The following IQUB variants were observed in gnomAD, a reference collection of about 807,000 sequenced individuals.
IQUB encodes IQ motif and ubiquitin domain containing.
A neutral mutation model predicts 86.4 loss-of-function variants in IQUB; 86 were observed. That is an observed-to-expected ratio of 1.00 (90% CI 0.84 to 1.19). The LOEUF is 1.19. Ranked by LOEUF, IQUB falls within the 50% of genes most tolerant of loss-of-function variation. The pLI, the probability that IQUB is intolerant of heterozygous loss-of-function variation, is 0.00. For missense variants in IQUB, 946 were observed against 916.9 expected (o/e 1.03, Z -0.41); for synonymous variants, 289 against 304.5 (o/e 0.95, Z 0.53).
intron 1 of IQUB, among the ~76,000 whole-genome samples, chr7:123,530,710 CTT>C (rs1797494537): frequency 1.1e-5 from 1 of 95,010 alleles, no homozygotes; most frequent in African/African-American, 4.2e-5. Context: ...GAGTTTCACT[CTT>C]TTTGCCCAGG....
At chr7:123,510,978 T>C (rs1480794560) in intron 2 of IQUB, among the ~76,000 whole-genome samples, 1 of 152,180 alleles carries the variant, frequency 6.6e-6, no homozygotes, top group Non-Finnish European at 1.5e-5. Flanking sequence ...TAAAAATCAC[T>C]ATGTGTTTAA....
chr7:123,526,242 AT>A (rs1554368323), intron 1 of IQUB, among the ~76,000 whole-genome samples: 2 of 152,118 alleles, frequency 1.3e-5, no homozygotes, highest in Non-Finnish European at 2.9e-5. Flanking sequence ...GCTGAGTTCA[AT>A]TCCTGGGTAT....
At chr7:123,470,009 G>A (rs989055166) in intron 8 of IQUB, among the ~76,000 whole-genome samples, 3 of 152,104 alleles carry the variant, frequency 2.0e-5, no homozygotes, top group South Asian at 2.1e-4. Flanking sequence ...AATCTGGCTT[G>A]GTGCCTCCCA....
chr7:123,519,288 C>G (rs1796793533), intron 1 of IQUB, among the ~76,000 whole-genome samples: 1 of 152,146 alleles, frequency 6.6e-6, no homozygotes, highest in South Asian at 2.1e-4. Flanking sequence ...ACCATATAAT[C>G]CAGCAATTCC....
In IQUB at chr7:123,452,915, C is replaced by T. The variant is rs1525626; in HGVS notation, c.2204G>A (p.Arg735His). 6.2e-6 allele frequency: 10 copies of T among 1,605,154 alleles called. No individual in the cohort carries two copies. The highest frequency in any genetic ancestry group is 3.4e-5 in the Admixed American group (2 of 58,028). ...GTGTTTGATCTTGTGAATAAATGAG[C>T]GTTCATATCCCTGCAAAGAAAAAAA... ...KLTSIEEGYE[R>H]SFIHKIKHKH... Residue 735 changes from arginine (R) to histidine (H), a missense_variant, in exon 13 of 13, where the codon CGC (arginine) becomes CAC (histidine). Transcript: ENST00000324698.
chr7:123,467,935 T>C, intron 9 of IQUB, among the ~76,000 whole-genome samples: 1 of 152,218 alleles, frequency 6.6e-6, no homozygotes, highest in East Asian at 1.9e-4. Context: ...CTACAACTAA[T>C]GCCTAAGCTC....
intron 1 of IQUB, among the ~76,000 whole-genome samples, chr7:123,519,412 C>T (rs894159210): frequency 6.6e-6 from 1 of 151,808 alleles, no homozygotes; most frequent in African/African-American, 2.4e-5. Context: ...TGTCTACCAC[C>T]GAATAAAGAA....
chr7:123,507,879 A>AG (rs1796252640), intron 3 of IQUB, among the ~76,000 whole-genome samples: 1 of 151,930 alleles, frequency 6.6e-6, no homozygotes, highest in African/African-American at 2.4e-5. Flanking sequence ...TCAAAAAAAA[A>AG]AAAAAATTAA....
intron 1 of IQUB, among the ~76,000 whole-genome samples, chr7:123,531,551 C>G (rs2018826): frequency 0.27 from 40,618 of 151,650 alleles, 5,582 homozygotes; most frequent in East Asian, 0.32. Flanking sequence ...TTTGCAAACT[C>G]AAAGTCTTAT....
intron 11 of IQUB, among the ~76,000 whole-genome samples, chr7:123,458,431 GTCA>G (rs1252073597): frequency 6.6e-6 from 1 of 151,998 alleles, no homozygotes; most frequent in South Asian, 2.1e-4. Context: ...AAAAGAACCT[GTCA>G]TCATCAGCTA....
intron 12 of IQUB, among the ~76,000 whole-genome samples, chr7:123,456,044 A>G (rs1250553683): frequency 1.3e-5 from 2 of 151,946 alleles, no homozygotes; most frequent in African/African-American, 2.4e-5. Context: ...GATATAAACT[A>G]CTCTTTAACT....
chr7:123,462,876 A>T, intron 10 of IQUB: 1 of 454,666 alleles, frequency 2.2e-6, no homozygotes. Context: ...TATTATGATT[A>T]TGATGACAGA....
intron 8 of IQUB, among the ~76,000 whole-genome samples, chr7:123,475,802 T>G (rs192413701): frequency 6.6e-4 from 100 of 152,218 alleles, no homozygotes; most frequent in Non-Finnish European, 1.3e-3. Context: ...CATACTCTCT[T>G]CTCTGGTGAG....
At chr7:123,478,588 T>G (rs2117067484) in intron 8 of IQUB, among the ~76,000 whole-genome samples, 1 of 152,086 alleles carries the variant, frequency 6.6e-6, no homozygotes. Flanking sequence ...AGAAACAATG[T>G]ATGCTAAAGC....
intron 11 of IQUB, chr7:123,459,881 C>G (rs945160371): frequency 6.6e-6 from 1 of 151,888 alleles, no homozygotes. Flanking sequence ...AATATTCATT[C>G]TATTGGACAA....
At chr7:123,500,936 AT>A (rs1202939997) in intron 6 of IQUB, 2 of 152,198 alleles carry the variant, frequency 1.3e-5, no homozygotes, top group Non-Finnish European at 2.9e-5. Context: ...AATGACAGAA[AT>A]TTCCATTTCC....
chr7:123,477,077 G>GA (rs1447932548), intron 8 of IQUB, among the ~76,000 whole-genome samples: 1 of 151,944 alleles, frequency 6.6e-6, no homozygotes, highest in Non-Finnish European at 1.5e-5. Flanking sequence ...CACAGAATTG[G>GA]AAAAAAACTA....
At chr7:123,524,934 C>G (rs904276536) in intron 1 of IQUB, among the ~76,000 whole-genome samples, 67 of 151,800 alleles carry the variant, frequency 4.4e-4, no homozygotes, top group Non-Finnish European at 8.8e-5. Context: ...TTGTCAAAGG[C>G]CTTTTCTGCA....
At chr7:123,478,456 G>A (rs1794845907) in intron 8 of IQUB, among the ~76,000 whole-genome samples, 1 of 152,082 alleles carries the variant, frequency 6.6e-6, no homozygotes, top group African/African-American at 2.4e-5. Flanking sequence ...AGCATTAGGA[G>A]AAATACCTAA....
Sources: gnomAD v4.1 joint callset for allele counts (sites outside exome capture counted in the v4.1 genomes callset) on GRCh38, gnomAD v4.1.1 for gene constraint, MANE v1.5 for transcripts, NCBI Gene and HGNC (gene_info 2026-07-23, HGNC 2026-07-21) for gene names.